The following PTPRN2 variants were observed in gnomAD, a reference collection of about 807,000 sequenced individuals.
The protein encoded by PTPRN2 is protein tyrosine phosphatase receptor type N2.
PTPRN2 carries 74 observed loss-of-function variants against 118.8 expected under a neutral mutation model. The ratio of observed to expected loss-of-function variants is 0.62; its 90% confidence interval spans 0.52 to 0.76. The LOEUF (loss-of-function observed/expected upper bound fraction) is 0.76, where lower values mean the gene tolerates loss of function less well. PTPRN2 is among the 30% of genes least tolerant of loss of function. The pLI is 0.00. For synonymous variants in PTPRN2, 641 were observed against 608.0 expected, an observed-to-expected ratio of 1.05 and a Z score of -0.80; for missense variants, 1,481 against 1,394.4, an observed-to-expected ratio of 1.06 and a Z score of -0.99.
chr7:157,778,628 A>G (rs967643558), intron 12 of PTPRN2, among the ~76,000 whole-genome samples: 27 of 152,186 alleles, frequency 1.8e-4, no homozygotes, highest in African/African-American at 6.3e-4. Flanking sequence ...TCGAATGCCT[A>G]TGTAGACATG....
At chr7:157,593,488 C>T (rs140660850) in intron 17 of PTPRN2, among the ~76,000 whole-genome samples, 171 of 152,360 alleles carry the variant, frequency 1.1e-3, no homozygotes, top group African/African-American at 3.8e-3. Context: ...CCCCATGCCA[C>T]ACAAATAAGC....
At chr7:157,804,042 TG>T (rs1371691580) in intron 12 of PTPRN2, among the ~76,000 whole-genome samples, 1 of 152,246 alleles carries the variant, frequency 6.6e-6, no homozygotes, top group Non-Finnish European at 1.5e-5. Flanking sequence ...ATAATATTGA[TG>T]TATCCTTATT....
In PTPRN2 at chr7:158,188,068, A is replaced by C. The variant is rs117399958; in HGVS notation, c.549+4259T>G. On this transcript the variant is annotated intron_variant, in intron 5 of 22. Coordinates refer to ENST00000389418, the MANE Select transcript of PTPRN2 (RefSeq NM_002847.5). ...AGCCCTGGGGAGCGGCAGGGTCGCA[A>C]CCCAAGAGATGAACCCCCAGTGGCC... 5.7e-3 allele frequency among the ~76,000 whole-genome samples: 861 copies of C among 151,830 alleles called. 19 individuals are homozygous for C. In the East Asian group the frequency reaches 0.06, roughly 10 times the overall value.
At chr7:158,303,221 T>C (rs923711552) in intron 3 of PTPRN2, among the ~76,000 whole-genome samples, 1 of 151,410 alleles carries the variant, frequency 6.6e-6, no homozygotes, top group African/African-American at 2.4e-5. Flanking sequence ...AATAATAGGA[T>C]GTGATCCTGA....
At chr7:158,065,686 C>T (rs1454836059) in intron 11 of PTPRN2, among the ~76,000 whole-genome samples, 12 of 152,300 alleles carry the variant, frequency 7.9e-5, no homozygotes, top group East Asian at 7.7e-4. Context: ...ACTAAACTGA[C>T]GCTCAGAACT....
At chr7:158,337,423 T>G (rs1805858801) in intron 2 of PTPRN2, among the ~76,000 whole-genome samples, 2 of 140,378 alleles carry the variant, frequency 1.4e-5, no homozygotes, top group Admixed American at 7.1e-5. Flanking sequence ...ACCCACACTC[T>G]CACCATAAGA....
chr7:158,151,599 C>T (rs893189858), intron 6 of PTPRN2, among the ~76,000 whole-genome samples: 1 of 151,966 alleles, frequency 6.6e-6, no homozygotes, highest in Non-Finnish European at 1.5e-5. Flanking sequence ...GTATGAGCCA[C>T]GCCCTCCCCT....
At chr7:157,898,878 G>C in intron 11 of PTPRN2, 141 bp from the exon 12 acceptor site, 1 of 755,428 alleles carries the variant, frequency 1.3e-6, no homozygotes. Context: ...GTCATGAACA[G>C]GCACAGAATT....
At chr7:157,600,635 C>G (rs62476778) in intron 16 of PTPRN2, among the ~76,000 whole-genome samples, 5,471 of 152,324 alleles carry the variant, frequency 0.036, 175 homozygotes, top group East Asian at 0.19. Context: ...TCTTAAACTT[C>G]TGAACTCAAG....
At chr7:158,445,967 ACT>A (rs1181385361) in intron 2 of PTPRN2, among the ~76,000 whole-genome samples, 1 of 152,148 alleles carries the variant, frequency 6.6e-6, no homozygotes, top group East Asian at 1.9e-4. Context: ...AAGCCAGGAC[ACT>A]CAGCATGAGC....
At chr7:158,351,662 C>T (rs1236013529) in intron 2 of PTPRN2, among the ~76,000 whole-genome samples, 3 of 152,158 alleles carry the variant, frequency 2.0e-5, no homozygotes, top group Non-Finnish European at 4.4e-5. Context: ...CTCAACAACT[C>T]CATGTGAACA....
intron 22 of PTPRN2, among the ~76,000 whole-genome samples, chr7:157,543,157 A>G (rs915447273): frequency 2.0e-5 from 3 of 152,194 alleles, no homozygotes; most frequent in Non-Finnish European, 4.4e-5. Context: ...CCAGATGACC[A>G]TCTTAGCCTA....
chr7:158,531,307 A>G (rs1825214953), intron 1 of PTPRN2, among the ~76,000 whole-genome samples: 1 of 152,152 alleles, frequency 6.6e-6, no homozygotes, highest in African/African-American at 2.4e-5. Flanking sequence ...AAGGGAAGCC[A>G]AGGCTGTCAG....
At chr7:158,234,616 G>C (rs761206785) in intron 3 of PTPRN2, among the ~76,000 whole-genome samples, 1 of 151,846 alleles carries the variant, frequency 6.6e-6, no homozygotes, top group Non-Finnish European at 1.5e-5. Flanking sequence ...CATACAAATG[G>C]CCAACAGGTA....
chr7:158,449,550 G>C (rs1817957858), intron 2 of PTPRN2, among the ~76,000 whole-genome samples: 7 of 152,058 alleles, frequency 4.6e-5, no homozygotes, highest in Admixed American at 3.9e-4. Flanking sequence ...ACACCAACAG[G>C]CAGAAGCAAG....
At position 158,323,080 on chromosome 7, in the gene PTPRN2, T is replaced by A. The variant is rs1056155913; in HGVS notation, c.164-6148A>T. 2.0e-5 allele frequency among the ~76,000 whole-genome samples: 3 copies of A among 152,140 alleles called. No individual in the cohort carries two copies. The South Asian group carries it at 6.2e-4, about 31-fold the overall frequency. On this transcript the variant is annotated intron_variant, in intron 2 of 22. Coordinates refer to ENST00000389418, the MANE Select transcript of PTPRN2 (RefSeq NM_002847.5). ...ACAGGCTTGTGGGGGAGGGGAATATTCTGGGAGACGTTCTGTAGAATGAGT... is the reference window on the plus strand; with the variant it reads ...ACAGGCTTGTGGGGGAGGGGAATATACTGGGAGACGTTCTGTAGAATGAGT...
intron 9 of PTPRN2, among the ~76,000 whole-genome samples, chr7:158,125,651 G>C (rs1248538347): frequency 6.6e-6 from 1 of 152,188 alleles, no homozygotes; most frequent in African/African-American, 2.4e-5. Context: ...ACAAAGCAAA[G>C]AGGAGCAAGT....
intron 2 of PTPRN2, among the ~76,000 whole-genome samples, chr7:158,385,180 C>A (rs1483975422): frequency 6.6e-6 from 1 of 152,190 alleles, no homozygotes; most frequent in Non-Finnish European, 1.5e-5. Context: ...TAAATGTCTT[C>A]TTTGTAAACC....
intron 10 of PTPRN2, among the ~76,000 whole-genome samples, chr7:158,100,864 A>C (rs1470376049): frequency 6.6e-6 from 1 of 152,232 alleles, no homozygotes; most frequent in Non-Finnish European, 1.5e-5. Flanking sequence ...CTGCTGAAAG[A>C]AATCACAGAT....
Sources: gnomAD v4.1 joint callset for allele counts (sites outside exome capture counted in the v4.1 genomes callset) on GRCh38, gnomAD v4.1.1 for gene constraint, MANE v1.5 for transcripts, NCBI Gene and HGNC (gene_info 2026-07-23, HGNC 2026-07-21) for gene names.